ATF7IP: variants seen among roughly 807,000 people sequenced by gnomAD.
ATF7IP encodes the protein activating transcription factor 7-interacting protein 1.
Under a neutral mutation model 106.4 loss-of-function variants are expected in ATF7IP, and 23 were observed. That is an observed-to-expected ratio of 0.22 (90% confidence interval 0.16 to 0.31). The LOEUF (loss-of-function observed/expected upper bound fraction) is 0.31, where lower values mean the gene tolerates loss of function less well. Among genes scored for constraint, ATF7IP ranks in the 10% least tolerant of loss-of-function variants. The pLI is 1.00. For synonymous variants in ATF7IP, 542 were observed against 539.0 expected, an observed-to-expected ratio of 1.01 and a Z score of -0.08; for missense variants, 1,334 against 1,524.3, an observed-to-expected ratio of 0.88 and a Z score of 2.08.
intron 2 of ATF7IP, among the ~76,000 whole-genome samples, chr12:14,426,362 T>G (rs1941845921): frequency 6.6e-6 from 1 of 152,062 alleles, no homozygotes; most frequent in Non-Finnish European, 1.5e-5. Context: ...TCACATTCTT[T>G]TAGATTTAGA....
chr12:14,481,408 G>T (rs1207382634), intron 13 of ATF7IP: 3 of 577,352 alleles, frequency 5.2e-6, no homozygotes, highest in Admixed American at 6.3e-5. Flanking sequence ...CAGATTTTAA[G>T]TATTGTCACC....
chr12:14,444,464 A>G (rs769716415), intron 5 of ATF7IP, among the ~76,000 whole-genome samples: 8 of 152,148 alleles, frequency 5.3e-5, no homozygotes, highest in Admixed American at 2.0e-4. Flanking sequence ...TAGTTTCCCA[A>G]ATAAAACCCA....
chr12:14,457,916 G>GA (rs2136709280), intron 8 of ATF7IP, among the ~76,000 whole-genome samples: 1 of 152,034 alleles, frequency 6.6e-6, no homozygotes, highest in Non-Finnish European at 1.5e-5. Context: ...CCAACATGGT[G>GA]AAACCCCATC....
chr12:14,422,940 C>T (rs1298940423), intron 1 of ATF7IP, among the ~76,000 whole-genome samples: 3 of 152,162 alleles, frequency 2.0e-5, no homozygotes, highest in Non-Finnish European at 4.4e-5. Flanking sequence ...GGTCATATGA[C>T]AACTCTGTAC....
intron 13 of ATF7IP, among the ~76,000 whole-genome samples, chr12:14,486,293 A>G (rs1944609629): frequency 6.6e-6 from 1 of 152,212 alleles, no homozygotes; most frequent in Non-Finnish European, 1.5e-5. Flanking sequence ...ATGTAAGCTC[A>G]GAACCAGTGT....
At position 14,502,374 on chromosome 12, in the gene ATF7IP, A is replaced by G. The variant is rs1945182466; in HGVS notation, c.*4301A>G. ...CTCATTCATCCCCTTGAGCCAGCCA[A>G]TGGGGAGGAATAGGATAATGCAAAC... On this transcript the variant is annotated 3_prime_UTR_variant, in exon 15 of 15. Coordinates refer to ENST00000261168, the MANE Select transcript of ATF7IP (RefSeq NM_018179.5). 1 of 152,170 alleles carries G rather than the reference A, an allele frequency of 6.6e-6. No individual in the cohort carries two copies. Among genetic ancestry groups the G allele is most frequent in the African/African-American group, 2.4e-5 (1 of 41,430 alleles). 9.4% of individuals were successfully genotyped at this position (152,170 alleles called of 1,614,324 possible).
Position 14,500,551 on chromosome 12 carries a change from T to A in ATF7IP, c.*2478T>A, listed in dbSNP as rs938933117. ...CTGTCTATATCTGCATGTATATGTT[T>A]TGACCTGCAGTGGTTGCAATGTTGA... On this transcript the variant is annotated 3_prime_UTR_variant, in exon 15 of 15. Transcript: ENST00000261168. 2 of 152,208 alleles carry A rather than the reference T, an allele frequency of 1.3e-5. No homozygotes were observed. Among genetic ancestry groups the A allele is most frequent in the Non-Finnish European group, 2.9e-5 (2 of 68,032 alleles). The allele number at this position is 152,208 out of a possible 1,614,324, so 9.4% of individuals were successfully genotyped here.
intron 6 of ATF7IP, among the ~76,000 whole-genome samples, chr12:14,449,258 A>T (rs566881635): frequency 1.3e-5 from 2 of 152,090 alleles, no homozygotes; most frequent in Non-Finnish European, 2.9e-5. Context: ...GTTTTCTTGT[A>T]GGAATTTTAT....
intron 1 of ATF7IP, among the ~76,000 whole-genome samples, chr12:14,414,080 A>G (rs1023753085): frequency 6.6e-6 from 1 of 152,180 alleles, no homozygotes; most frequent in African/African-American, 2.4e-5. Flanking sequence ...TTGTATACTA[A>G]TGTTAGAACA....
At chr12:14,418,636 A>G (rs1941330271) in intron 1 of ATF7IP, among the ~76,000 whole-genome samples, 1 of 152,210 alleles carries the variant, frequency 6.6e-6, no homozygotes, top group Non-Finnish European at 1.5e-5. Context: ...TGCAAAATAC[A>G]TTTCTAAAAG....
At chr12:14,477,862 A>G (rs74068610) in intron 11 of ATF7IP, among the ~76,000 whole-genome samples, 3,035 of 152,250 alleles carry the variant, frequency 0.02, 100 homozygotes, top group African/African-American at 0.069. Flanking sequence ...TTCTTTGACT[A>G]TTTTAAAGAC....
intron 2 of ATF7IP, 41 bp downstream of exon 2, chr12:14,425,514 T>C: frequency 6.7e-7 from 1 of 1,482,274 alleles, no homozygotes; most frequent in Non-Finnish European, 9.0e-7. Context: ...TTTATTGACT[T>C]TGATGAACTG....
chr12:14,471,082 G>A (rs1944024226), intron 10 of ATF7IP, among the ~76,000 whole-genome samples: 1 of 151,910 alleles, frequency 6.6e-6, no homozygotes, highest in East Asian at 1.9e-4. Flanking sequence ...GTAATATTTG[G>A]GGATTTTGCA....
At chr12:14,493,590 G>C (rs1253980938) in intron 13 of ATF7IP, among the ~76,000 whole-genome samples, 5 of 151,956 alleles carry the variant, frequency 3.3e-5, no homozygotes, top group Admixed American at 1.3e-4. Context: ...TGTTCTTTCT[G>C]GCAAAAAAGC....
intron 1 of ATF7IP, among the ~76,000 whole-genome samples, chr12:14,377,393 T>C (rs1341861306): frequency 6.6e-6 from 1 of 151,454 alleles, no homozygotes; most frequent in Admixed American, 6.6e-5. Flanking sequence ...TCTTGCTGTG[T>C]CGCCCAGGCT....
At chr12:14,490,506 T>C (rs1944778358) in intron 13 of ATF7IP, among the ~76,000 whole-genome samples, 2 of 152,232 alleles carry the variant, frequency 1.3e-5, no homozygotes, top group African/African-American at 4.8e-5. Context: ...CCTGATGCAC[T>C]GCTCCAAGTT....
chr12:14,479,993 G>T (rs1944383661), intron 12 of ATF7IP, among the ~76,000 whole-genome samples: 1 of 151,850 alleles, frequency 6.6e-6, no homozygotes, highest in African/African-American at 2.4e-5. Flanking sequence ...ATGGAATGGG[G>T]AGTAAAGAGA....
chr12:14,476,136 C>T, intron 11 of ATF7IP, 168 bp downstream of exon 11: 3 of 566,870 alleles, frequency 5.3e-6, no homozygotes. Context: ...TGGCCAGGTG[C>T]AGTGTCTCAC....
chr12:14,433,438 G>C (rs1359804415), intron 2 of ATF7IP, among the ~76,000 whole-genome samples: 1 of 152,150 alleles, frequency 6.6e-6, no homozygotes, highest in African/African-American at 2.4e-5. Flanking sequence ...CTGGGAAGTG[G>C]AGGTTGCAGT....
Sources: allele counts gnomAD v4.1 joint callset (sites outside exome capture counted in the v4.1 genomes callset), GRCh38; gene constraint gnomAD v4.1.1; transcripts MANE v1.5; gene names NCBI Gene and HGNC (gene_info 2026-07-23, HGNC 2026-07-21).